IDO2: variants seen among roughly 807,000 people sequenced by gnomAD.
IDO2 encodes indoleamine 2,3-dioxygenase-like 1 protein.
IDO2 carries 46 observed loss-of-function variants against 45.1 expected under a neutral mutation model. The ratio of observed to expected loss-of-function variants is 1.02; its 90% confidence interval spans 0.80 to 1.30. The LOEUF is 1.30. IDO2 is among the 50% of genes most tolerant of loss of function. IDO2 has a pLI of 0.00. For synonymous variants in IDO2, 218 were observed against 184.9 expected, an observed-to-expected ratio of 1.18 and a Z score of -1.45; for missense variants, 544 against 491.8, an observed-to-expected ratio of 1.11 and a Z score of -1.00.
intron 1 of IDO2, among the ~76,000 whole-genome samples, chr8:39,937,397 C>G (rs1421668532): frequency 6.6e-6 from 1 of 152,128 alleles, no homozygotes; most frequent in Non-Finnish European, 1.5e-5. Flanking sequence ...TCAATTAAAA[C>G]TTTATTTAGG....
chr8:39,986,743 C>T (rs530714357), intron 6 of IDO2, among the ~76,000 whole-genome samples: 2 of 152,006 alleles, frequency 1.3e-5, no homozygotes, highest in South Asian at 4.2e-4. Flanking sequence ...GTGTTCCCAC[C>T]CATATCTCAT....
At chr8:39,976,483 AT>A (rs1808260794) in intron 3 of IDO2, among the ~76,000 whole-genome samples, 1 of 152,184 alleles carries the variant, frequency 6.6e-6, no homozygotes, top group African/African-American at 2.4e-5. Flanking sequence ...GTGTTTACTT[AT>A]GTCTACTCTT....
intron 1 of IDO2, among the ~76,000 whole-genome samples, chr8:39,942,612 C>A (rs1199440681): frequency 6.8e-6 from 1 of 146,280 alleles, no homozygotes; most frequent in African/African-American, 2.5e-5. Flanking sequence ...GGCACTCCAG[C>A]CTGGGTGACA....
intron 3 of IDO2, among the ~76,000 whole-genome samples, chr8:39,972,892 T>C (rs1017607262): frequency 6.6e-6 from 1 of 152,168 alleles, no homozygotes; most frequent in Non-Finnish European, 1.5e-5. Context: ...ATAATTAAGG[T>C]ATAAAGTACT....
intron 3 of IDO2, among the ~76,000 whole-genome samples, chr8:39,968,064 T>A (rs1019627246): frequency 7.1e-6 from 1 of 140,588 alleles, no homozygotes; most frequent in African/African-American, 2.9e-5. Context: ...TATAACAGCT[T>A]TATTCATAAT....
Position 39,963,474 on chromosome 8 carries a change from A to G in IDO2, c.100-134A>G, listed in dbSNP as rs746198797. ...GGTGAGCACAGGGCCTAACTAGCAT[A>G]TGGTGCATTCTCAATGTTCGTTCAA... On this transcript the variant is annotated intron_variant, in intron 2 of 10. Coordinates refer to ENST00000502986, the Ensembl canonical transcript of IDO2. 8.7e-5 allele frequency: 53 copies of G among 612,050 alleles called. 1 individual carries two copies. Among genetic ancestry groups the G allele is most frequent in the South Asian group, 8.6e-4 (43 of 49,898 alleles). The allele number at this position is 612,050 out of a possible 1,614,324, so 37.9% of individuals were successfully genotyped here.
At chr8:39,991,565 C>CTTTTTTT (rs61354300) in intron 8 of IDO2, among the ~76,000 whole-genome samples, 34 of 103,334 alleles carry the variant, frequency 3.3e-4, no homozygotes, top group African/African-American at 1.0e-3. Flanking sequence ...AGACTCACTT[C>CTTTTTTT]TTTTTTTTTT....
intron 4 of IDO2, among the ~76,000 whole-genome samples, 195 bp downstream of exon 4, chr8:39,979,381 G>A (rs1285429597): frequency 6.6e-6 from 1 of 152,146 alleles, no homozygotes; most frequent in Non-Finnish European, 1.5e-5. Context: ...TTTTGAGCCA[G>A]TCTCACTCTG....
intron 3 of IDO2, among the ~76,000 whole-genome samples, chr8:39,978,255 C>T (rs1032273454): frequency 6.6e-6 from 1 of 152,172 alleles, no homozygotes; most frequent in Non-Finnish European, 1.5e-5. Flanking sequence ...CCCCTGCCGC[C>T]CTCCTTTCTG....
chr8:39,989,917 G>A lies in IDO2; in HGVS notation c.667+79G>A, dbSNP rs183326620. 3.0e-4 allele frequency: 262 copies of A among 884,190 alleles called. No homozygotes were observed. The African/African-American group carries it at 4.1e-3, about 14-fold the overall frequency. 54.8% of individuals were successfully genotyped at this position (884,190 alleles called of 1,614,324 possible). On this transcript the variant is annotated intron_variant, in intron 8 of 10. Coordinates refer to ENST00000502986, the Ensembl canonical transcript of IDO2. ...TAGGGGAAGAGGGCCTGGGGACCAG[G>A]CATGTCCTGAAGGGGGTGATAATAC...
At chr8:39,945,925 T>G (rs1563423996) in intron 1 of IDO2, among the ~76,000 whole-genome samples, 1 of 152,174 alleles carries the variant, frequency 6.6e-6, no homozygotes, top group African/African-American at 2.4e-5. Context: ...CGGGAGAAGC[T>G]TAGTTTATAG....
intron 8 of IDO2, chr8:39,998,168 G>T: frequency 6.0e-6 from 1 of 166,376 alleles, no homozygotes; most frequent in South Asian, 1.4e-4. Context: ...TTCTCTTGGG[G>T]GCATCTTTCA....
intron 2 of IDO2, among the ~76,000 whole-genome samples, chr8:39,950,398 G>C (rs548617469): frequency 7.9e-5 from 12 of 152,256 alleles, no homozygotes; most frequent in African/African-American, 2.9e-4. Flanking sequence ...CAGGCGTGGT[G>C]GCACATGCCT....
chr8:39,978,035 C>A (rs1403812510), intron 3 of IDO2, among the ~76,000 whole-genome samples: 3 of 152,170 alleles, frequency 2.0e-5, no homozygotes, highest in Non-Finnish European at 4.4e-5. Context: ...AGCTCTTATT[C>A]ATTCTATCTA....
intron 3 of IDO2, among the ~76,000 whole-genome samples, chr8:39,970,860 G>T (rs1398791272): frequency 6.9e-6 from 1 of 144,766 alleles, no homozygotes; most frequent in Non-Finnish European, 1.5e-5. Flanking sequence ...TCTGCCTCCC[G>T]GGTTCAAGTG....
intron 2 of IDO2, among the ~76,000 whole-genome samples, chr8:39,957,443 C>T (rs1807922088): frequency 6.6e-6 from 1 of 152,060 alleles, no homozygotes; most frequent in South Asian, 2.1e-4. Flanking sequence ...GAGACCCCAT[C>T]TCTACAAAAA....
chr8:40,001,527 A>C (rs1202845024), intron 8 of IDO2, among the ~76,000 whole-genome samples: 3 of 150,294 alleles, frequency 2.0e-5, no homozygotes, highest in Non-Finnish European at 4.4e-5. Context: ...GGATTACAGG[A>C]GTGAGCCACT....
chr8:39,951,977 A>C (rs1807821055), intron 2 of IDO2, among the ~76,000 whole-genome samples: 1 of 152,150 alleles, frequency 6.6e-6, no homozygotes. Context: ...TCCATTCCTG[A>C]GCTTATGCAG....
intron 8 of IDO2, chr8:39,998,211 A>G (rs1425873844): frequency 6.5e-6 from 1 of 153,444 alleles, no homozygotes; most frequent in Admixed American, 6.5e-5. Flanking sequence ...TGATGAACAC[A>G]CGTACACGTT....
Sources: gnomAD v4.1 joint callset for allele counts (sites outside exome capture counted in the v4.1 genomes callset) on GRCh38, gnomAD v4.1.1 for gene constraint, MANE v1.5 for transcripts, NCBI Gene and HGNC (gene_info 2026-07-23, HGNC 2026-07-21) for gene names.